The following PTPRD variants were observed in gnomAD, a reference collection of about 807,000 sequenced individuals.
PTPRD encodes the protein receptor-type tyrosine-protein phosphatase delta.
Under a neutral mutation model 214.5 loss-of-function variants are expected in PTPRD, and 34 were observed. That is an observed-to-expected ratio of 0.16 (90% confidence interval 0.12 to 0.21). PTPRD has a LOEUF of 0.21. PTPRD is among the 10% of genes least tolerant of loss of function. The pLI, the probability that PTPRD is intolerant of heterozygous loss-of-function variation, is 1.00. For synonymous variants in PTPRD, 1,128 were observed against 845.7 expected (o/e 1.33, Z -5.79); for missense variants, 2,545 against 2,398.7 (o/e 1.06, Z -1.27).
chr9:9,423,034 T>C lies in PTPRD; in HGVS notation c.-236-25552A>G, dbSNP rs183293823. On this transcript the variant is annotated intron_variant, in intron 8 of 45. Transcript: ENST00000381196. ...TTGGGGAAACCAGAACAAAGCTGAGTCTAGACTTTGAAAATTCTAAACCTC... is the reference window on the plus strand; with the variant it reads ...TTGGGGAAACCAGAACAAAGCTGAGCCTAGACTTTGAAAATTCTAAACCTC... 2.9e-4 allele frequency among the ~76,000 whole-genome samples: 44 copies of C among 152,186 alleles called. No homozygotes were observed. The East Asian group carries it at 7.0e-3, about 24-fold the overall frequency.
rs1344878323 is a variant in PTPRD at position 10,408,428 on chromosome 9, A to G, written c.-599-67411T>C. On this transcript the variant is annotated intron_variant, in intron 2 of 45. Transcript: ENST00000381196. ...AATAAAAAAGCATCTTAAATAAGAAAGTAAATTTCAAAGATGGTGCAATGG... is the reference window on the plus strand; with the variant it reads ...AATAAAAAAGCATCTTAAATAAGAAGGTAAATTTCAAAGATGGTGCAATGG... Among the ~76,000 whole-genome samples the G allele has an allele frequency of 1.5e-4, 22 of 151,692 alleles. No individual in the cohort carries two copies. The Admixed American group carries it at 1.5e-3, about 10-fold the overall frequency.
At chr9:8,564,222 G>C (rs1471695121) in intron 14 of PTPRD, among the ~76,000 whole-genome samples, 1 of 152,104 alleles carries the variant, frequency 6.6e-6, no homozygotes, top group Non-Finnish European at 1.5e-5. Context: ...TTCTAAGCAT[G>C]TTTAAAATTG....
rs898545815 is a variant in PTPRD, at chr9:9,356,619, G to T, written c.-203+40830C>A. ...GTGTTGGAAAAAGTAGTGATGGGGA[G>T]AAGTAGGAATATACAAGAAGGTTAA... On this transcript the variant is annotated intron_variant, in intron 9 of 45. Transcript: ENST00000381196. Among the ~76,000 whole-genome samples the T allele has an allele frequency of 5.9e-5, 9 of 151,390 alleles. No individual in the cohort carries two copies. The East Asian group carries it at 1.8e-3, about 29-fold the overall frequency.
chr9:9,753,249 A>G (rs2098539092), intron 6 of PTPRD, among the ~76,000 whole-genome samples: 1 of 152,010 alleles, frequency 6.6e-6, no homozygotes, highest in Non-Finnish European at 1.5e-5. Flanking sequence ...ATTCAGTTTC[A>G]TTTTGTAGCT....
intron 33 of PTPRD, among the ~76,000 whole-genome samples, chr9:8,456,417 T>C (rs1021140774): frequency 9.2e-5 from 14 of 151,944 alleles, no homozygotes; most frequent in Non-Finnish European, 8.8e-5. Flanking sequence ...TTCCAAAGGA[T>C]GAGTTGGAGT....
chr9:9,638,304 T>G (rs368919198), intron 7 of PTPRD, among the ~76,000 whole-genome samples: 1 of 152,206 alleles, frequency 6.6e-6, no homozygotes, highest in East Asian at 1.9e-4. Flanking sequence ...TTCTGAACGC[T>G]GCTGCTAGAG....
intron 7 of PTPRD, among the ~76,000 whole-genome samples, chr9:9,733,563 G>A (rs2098237748): frequency 6.6e-6 from 1 of 152,130 alleles, no homozygotes; most frequent in South Asian, 2.1e-4. Flanking sequence ...GTTTTAGGAA[G>A]ATAATGAACA....
chr9:8,630,261 G>C (rs2096209811), intron 14 of PTPRD, among the ~76,000 whole-genome samples: 1 of 151,794 alleles, frequency 6.6e-6, no homozygotes, highest in African/African-American at 2.4e-5. Context: ...CAGAGTGCCT[G>C]AGTGTCCGCC....
At chr9:9,673,466 T>C (rs1004839254) in intron 7 of PTPRD, among the ~76,000 whole-genome samples, 4 of 151,840 alleles carry the variant, frequency 2.6e-5, no homozygotes, top group African/African-American at 9.7e-5. Context: ...TTTCAATGAA[T>C]GGTTAGATTA....
chr9:8,988,572 CAG>C (rs1173441305), intron 11 of PTPRD, among the ~76,000 whole-genome samples: 1 of 152,032 alleles, frequency 6.6e-6, no homozygotes, highest in Non-Finnish European at 1.5e-5. Context: ...CAGGTTTTAG[CAG>C]TTCCTCTGTT....
intron 8 of PTPRD, among the ~76,000 whole-genome samples, chr9:9,453,286 T>C (rs10977765): frequency 6.6e-6 from 1 of 151,436 alleles, no homozygotes; most frequent in African/African-American, 2.4e-5. Flanking sequence ...TTCCATGCGG[T>C]TGCATATTCA....
intron 3 of PTPRD, among the ~76,000 whole-genome samples, chr9:10,253,408 G>A (rs1300223185): frequency 3.3e-5 from 5 of 152,178 alleles, no homozygotes; most frequent in Non-Finnish European, 7.4e-5. Context: ...AAGAAGACAA[G>A]GCATGCAGTA....
chr9:8,391,592 A>G (rs2089583471), intron 36 of PTPRD, among the ~76,000 whole-genome samples: 1 of 152,230 alleles, frequency 6.6e-6, no homozygotes, highest in Non-Finnish European at 1.5e-5. Flanking sequence ...ATCTAACAGG[A>G]AAAACCTACT....
chr9:9,701,781 G>A (rs1399643810), intron 7 of PTPRD, among the ~76,000 whole-genome samples: 1 of 152,118 alleles, frequency 6.6e-6, no homozygotes. Context: ...GAGTTTCAGA[G>A]GGAAGAAATG....
At chr9:9,682,396 G>A (rs986673425) in intron 7 of PTPRD, among the ~76,000 whole-genome samples, 1 of 151,678 alleles carries the variant, frequency 6.6e-6, no homozygotes, top group Non-Finnish European at 1.5e-5. Context: ...CACATTTTCT[G>A]TCAAAGTCAG....
chr9:10,285,879 G>C (rs2095334419), intron 3 of PTPRD, among the ~76,000 whole-genome samples: 1 of 151,978 alleles, frequency 6.6e-6, no homozygotes, highest in Non-Finnish European at 1.5e-5. Flanking sequence ...AAAGTGCTGG[G>C]ATACAGGCGT....
At chr9:10,408,510 G>A in intron 2 of PTPRD, among the ~76,000 whole-genome samples, 1 of 151,634 alleles carries the variant, frequency 6.6e-6, no homozygotes, top group East Asian at 2.0e-4. Flanking sequence ...TTAAGGCTAG[G>A]AAGAGAAAGC....
At chr9:8,499,440 G>C (rs1592095983) in intron 25 of PTPRD, among the ~76,000 whole-genome samples, 1 of 152,152 alleles carries the variant, frequency 6.6e-6, no homozygotes, top group South Asian at 2.1e-4. Flanking sequence ...TTTTTAATCA[G>C]ACTTGAGTGT....
intron 6 of PTPRD, among the ~76,000 whole-genome samples, chr9:9,758,283 T>TTTGATGTTTTTTG (rs2098608744): frequency 6.6e-6 from 1 of 152,084 alleles, no homozygotes; most frequent in Non-Finnish European, 1.5e-5. Context: ...TTGGCTTTTG[T>TTTGATGTTTTTTG]ATATTTTTAT....
Sources: gnomAD v4.1 joint callset for allele counts (sites outside exome capture counted in the v4.1 genomes callset) on GRCh38, gnomAD v4.1.1 for gene constraint, MANE v1.5 for transcripts, NCBI Gene and HGNC (gene_info 2026-07-23, HGNC 2026-07-21) for gene names.